Variants in C1GALT1C1 observed in about 807,000 individuals in gnomAD.
C1GALT1C1 encodes the protein C1GALT1 specific chaperone 1.
For missense variants in C1GALT1C1, 176 were observed against 234.7 expected, an observed-to-expected ratio of 0.75 and a Z score of 1.63; for synonymous variants, 77 against 77.9, an observed-to-expected ratio of 0.99 and a Z score of 0.06.
Position 120,626,347 on chromosome X carries a change from T to C in C1GALT1C1, c.820A>G (p.Met274Val). ...NQVVEGCCSD[M>V]AVTFNGLTPN... is the part of the protein sequence containing the mutation. Reference sequence around the variant, plus strand: ...GTCAGTCCATTAAAAGTAACAGCCATATCTGAACAACAGCCTTCTACTACC... The same window carrying C: ...GTCAGTCCATTAAAAGTAACAGCCACATCTGAACAACAGCCTTCTACTACC... Residue 274 changes from methionine (M) to valine (V), a missense_variant, in exon 2 of 2, where the codon ATG (methionine) becomes GTG (valine). Met to Val is a conservative substitution (Grantham distance 21). Transcript: ENST00000304661. The C allele has an allele frequency of 8.2e-7, 1 of 1,212,141 alleles. No individual in the cohort carries two copies.
chrX:120,629,561 T>C (rs1161356617), intron 1 of C1GALT1C1, among the ~76,000 whole-genome samples: 1 of 78,373 alleles, frequency 1.3e-5, no homozygotes, highest in East Asian at 4.1e-4. Context: ...GATAGGATAC[T>C]TTGTGCAGAA....
chrX:120,628,705 C>A (rs1212586189), intron 1 of C1GALT1C1, among the ~76,000 whole-genome samples: 1 of 111,645 alleles, frequency 9.0e-6, no homozygotes, highest in Admixed American at 9.5e-5. Context: ...ATATTTTGCA[C>A]CCAACAGCAC....
intron 1 of C1GALT1C1, among the ~76,000 whole-genome samples, chrX:120,628,568 GT>G (rs1047385032): frequency 1.4e-4 from 16 of 112,037 alleles, no homozygotes; most frequent in Non-Finnish European, 2.3e-4. Context: ...CAGTTTAATG[GT>G]TTTTTTCCAT....
At position 120,625,692 on chromosome X, in the gene C1GALT1C1, T is replaced by G. The variant is rs953700558; in HGVS notation, c.*518A>C. The stretch of plus-strand genomic sequence containing the variant: ...TCAGGGATATTTTTCAACTTTCACT[T>G]TAATTTTCTTTAGTTGCTTAGTTGT... On this transcript the variant is annotated 3_prime_UTR_variant, in exon 2 of 2. Coordinates refer to ENST00000304661, the MANE Select transcript of C1GALT1C1 (RefSeq NM_001011551.3). 1.8e-5 allele frequency: 2 copies of G among 112,376 alleles called. No individual in the cohort carries two copies. Among genetic ancestry groups the G allele is most frequent in the Non-Finnish European group, 3.7e-5 (2 of 53,390 alleles). 9.3% of individuals were successfully genotyped at this position (112,376 alleles called of 1,213,427 possible).
chrX:120,629,795 C>G (rs1330549581), intron 1 of C1GALT1C1, 122 bp downstream of exon 1: 1 of 112,049 alleles, frequency 8.9e-6, no homozygotes, highest in Non-Finnish European at 1.9e-5. Context: ...AATCCTCCCG[C>G]TGCACCTGCC....
Position 120,629,512 on chromosome X carries a change from C to T in C1GALT1C1, c.-6+405G>A, listed in dbSNP as rs750038314. Among the ~76,000 whole-genome samples the T allele has an allele frequency of 8.1e-5, 9 of 110,960 alleles. No homozygotes were observed. The South Asian group carries it at 3.4e-3, about 42-fold the overall frequency. On this transcript the variant is annotated intron_variant, in intron 1 of 1. Coordinates refer to ENST00000304661, the MANE Select transcript of C1GALT1C1 (RefSeq NM_001011551.3). ...AATTATTCTAAGGAGATTTTTTCCC[C>T]ATCACAGAGGCAAAAAATATAACAC...
intron 1 of C1GALT1C1, among the ~76,000 whole-genome samples, chrX:120,627,585 A>G: frequency 8.9e-6 from 1 of 112,619 alleles, no homozygotes; most frequent in Non-Finnish European, 1.9e-5. Context: ...AGATAAAACC[A>G]CCTATAAATG....
At chrX:120,627,286 T>C in intron 1 of C1GALT1C1, 115 bp from the exon 2 acceptor site, 1 of 531,804 alleles carries the variant, frequency 1.9e-6, no homozygotes, top group Non-Finnish European at 2.8e-6. Context: ...TTTAAAAGGT[T>C]CCCAAGCTTG....
At chrX:120,627,241 T>A (rs1221197318) in intron 1 of C1GALT1C1, 70 bp from the exon 2 acceptor site, 1 of 815,917 alleles carries the variant, frequency 1.2e-6, no homozygotes, top group African/African-American at 2.1e-5. Flanking sequence ...GATTTGGTAT[T>A]CCTTATATAC....
chrX:120,628,462 CAG>C, intron 1 of C1GALT1C1, among the ~76,000 whole-genome samples: 1 of 111,733 alleles, frequency 8.9e-6, no homozygotes, highest in Non-Finnish European at 1.9e-5. Flanking sequence ...TCTCATTTTA[CAG>C]AGAGGAAATG....
In C1GALT1C1 at chrX:120,626,160, G is replaced by T; in HGVS notation, c.*50C>A. 9.6e-7 allele frequency: 1 copy of T among 1,044,605 alleles called. No individual in the cohort carries two copies. Among genetic ancestry groups the T allele is most frequent in the Non-Finnish European group, 1.3e-6 (1 of 765,819 alleles). The allele number at this position is 1,044,605 out of a possible 1,213,427, so 86.1% of individuals were successfully genotyped here. ...ATATGTAGTTACTACTACAAATAAT[G>T]ACAACACACGTCCTATACAAAGATC... On this transcript the variant is annotated 3_prime_UTR_variant, in exon 2 of 2. Transcript: ENST00000304661.
intron 1 of C1GALT1C1, among the ~76,000 whole-genome samples, chrX:120,629,121 GGAGGCT>G (rs755544033): frequency 6.8e-4 from 75 of 110,119 alleles, no homozygotes; most frequent in Non-Finnish European, 1.2e-3. Context: ...CAGCTACTCA[GGAGGCT>G]GAGGCAGGAG....
rs754085776 is a variant in C1GALT1C1 at position 120,626,174 on chromosome X, T to C, written c.*36A>G. On this transcript the variant is annotated 3_prime_UTR_variant, in exon 2 of 2. Coordinates refer to ENST00000304661, the MANE Select transcript of C1GALT1C1 (RefSeq NM_001011551.3). ...CTACAAATAATGACAACACACGTCC[T>C]ATACAAAGATCATATTCACGCTTTT... 1.8e-6 allele frequency: 2 copies of C among 1,096,306 alleles called. No homozygotes were observed. Among genetic ancestry groups the C allele is most frequent in the South Asian group, 4.0e-5 (2 of 50,384 alleles). 90.3% of individuals were successfully genotyped at this position (1,096,306 alleles called of 1,213,427 possible).
chrX:120,628,381 CTACT>C (rs1287579708), intron 1 of C1GALT1C1, among the ~76,000 whole-genome samples: 1 of 112,433 alleles, frequency 8.9e-6, no homozygotes, highest in Non-Finnish European at 1.9e-5. Flanking sequence ...ATCTATTGAG[CTACT>C]TAGACTTCCC....
At chrX:120,627,410 G>A in intron 1 of C1GALT1C1, 1 of 250,716 alleles carries the variant, frequency 4.0e-6, no homozygotes, top group South Asian at 2.1e-4. Flanking sequence ...CTATGGAGAA[G>A]TTTGTTTTGC....
In C1GALT1C1 at chrX:120,626,988, C is replaced by T. The variant is rs755578000; in HGVS notation, c.179G>A (p.Arg60His). Residue 60 changes from arginine (R) to histidine (H), a missense_variant, in exon 2 of 2, where the codon CGC becomes CAC. Arg to His is a conservative substitution (Grantham distance 29). Transcript: ENST00000304661. ...TCGAAAGCTCTTACTGAGCTCCATG[C>T]GCTCATCCTCTGAAATTTTCAAGAT... ...EDILKISEDE[R>H]MELSKSFRVY... 2.9e-4 allele frequency: 355 copies of T among 1,208,719 alleles called. No individual in the cohort carries two copies. Among genetic ancestry groups the T allele is most frequent in the Non-Finnish European group, 3.8e-4 (344 of 894,866 alleles).
In C1GALT1C1 at chrX:120,626,377, T is replaced by G. The variant is rs1428793270; in HGVS notation, c.790A>C (p.Asn264His). The change falls in exon 2 of 2, where the codon AAC becomes CAC. Residue 264 changes from asparagine (N) to histidine (H), a missense_variant. By Grantham distance (68) the Asn-to-His change is moderately conservative (BLOSUM62 1). Transcript: ENST00000304661. ...SIKEAMTYHP[N>H]QVVEGCCSDM... ...GAACAACAGCCTTCTACTACCTGGT[T>G]GGGGTGATAAGTCATTGCCTCTTTA... 1.7e-6 allele frequency: 2 copies of G among 1,211,344 alleles called. No individual in the cohort carries two copies. Among genetic ancestry groups the G allele is most frequent in the African/African-American group, 3.5e-5 (2 of 57,659 alleles).
chrX:120,626,560 T>C lies in C1GALT1C1; in HGVS notation c.607A>G (p.Ile203Val), dbSNP rs753105556. ...CCCTGTTCAGGACACTTTTCTGGGA[T>C]ATTGAGAAGGCTGTTAAGTCTTTTC... ...SMKRLNSLLNIPEKCPEQGGM... is the reference protein window; with the variant it reads ...SMKRLNSLLNVPEKCPEQGGM... Residue 203 changes from isoleucine (I) to valine (V), a missense_variant, in exon 2 of 2, where the codon ATC becomes GTC. Coordinates refer to ENST00000304661, the MANE Select transcript of C1GALT1C1 (RefSeq NM_001011551.3). 4.9e-5 allele frequency: 59 copies of C among 1,210,406 alleles called. No individual in the cohort carries two copies. Among genetic ancestry groups the C allele is most frequent in the Non-Finnish European group, 6.6e-5 (59 of 895,088 alleles).
intron 1 of C1GALT1C1, among the ~76,000 whole-genome samples, chrX:120,629,608 A>G (rs748683613): frequency 8.9e-6 from 1 of 112,263 alleles, no homozygotes; most frequent in Admixed American, 9.4e-5. Context: ...ATGAAACAGA[A>G]ACTACCCCAA....
Sources: allele counts gnomAD v4.1 joint callset (sites outside exome capture counted in the v4.1 genomes callset), GRCh38; gene constraint gnomAD v4.1.1; transcripts MANE v1.5; gene names NCBI Gene and HGNC (gene_info 2026-07-23, HGNC 2026-07-21).